ABCB10: variants seen among roughly 807,000 people sequenced by gnomAD.
ABCB10 encodes ATP-binding cassette sub-family B member 10, mitochondrial.
In ABCB10, 54 loss-of-function variants were observed where a neutral mutation model predicts 65.4. The observed-to-expected ratio is 0.83, with a 90% CI of 0.66 to 1.04. ABCB10 has a LOEUF of 1.04. Among genes scored for constraint, ABCB10 ranks in the 50% least tolerant of loss-of-function variants. The pLI is 0.00. For synonymous variants in ABCB10, 418 were observed against 406.5 expected, an observed-to-expected ratio of 1.03 and a Z score of -0.34; for missense variants, 846 against 976.6, an observed-to-expected ratio of 0.87 and a Z score of 1.78.
chr1:229,556,869 T>C (rs1208297986), intron 1 of ABCB10, among the ~76,000 whole-genome samples: 1 of 152,228 alleles, frequency 6.6e-6, no homozygotes, highest in African/African-American at 2.4e-5. Context: ...CTCTGTGCCG[T>C]GCACATGCTA....
Position 229,530,415 on chromosome 1 carries a change from C to T in ABCB10, c.1436-7G>A. 2 of 1,613,646 alleles carry T rather than the reference C, an allele frequency of 1.2e-6. No homozygotes were observed. The highest frequency in any genetic ancestry group is 1.7e-6 in the Non-Finnish European group (2 of 1,179,860). ...TCATTTAAGATGACCCCCTCTGAAA[C>T]ATAAAATGGAATATTAATTACTTAC... On this transcript the variant is annotated splice_region_variant and splice_polypyrimidine_tract_variant and intron_variant, in intron 7 of 12. Transcript: ENST00000344517.
chr1:229,521,605 C>T lies in ABCB10; in HGVS notation c.1937G>A (p.Arg646His), dbSNP rs1476790441. Residue 646 changes from arginine (R) to histidine (H), a missense_variant, in exon 11 of 13, where the codon CGT becomes CAT. Arg to His is a conservative substitution (Grantham distance 29, BLOSUM62 0). This residue lies in a region of ABCB10 where 632 missense variants were observed against 803.2 expected (regional missense o/e 0.79). Coordinates refer to ENST00000344517, the MANE Select transcript of ABCB10 (RefSeq NM_012089.3). ...GGQKQRIAIARALLKNPKILL... is the reference protein window; with the variant it reads ...GGQKQRIAIAHALLKNPKILL... ...CTTCAGGCTTACCTTTAGCAGAGCACGGGCAATCGCAATCCGCTGTTTCTG... is the reference window on the plus strand; with the variant it reads ...CTTCAGGCTTACCTTTAGCAGAGCATGGGCAATCGCAATCCGCTGTTTCTG... The T allele has an allele frequency of 3.1e-6, 5 of 1,611,716 alleles. No homozygotes were observed. The highest frequency in any genetic ancestry group is 3.3e-5 in the Admixed American group (2 of 59,908).
rs1387867120 is a variant in ABCB10, at chr1:229,521,621, G to T, written c.1921C>A (p.Arg641=). ...GVLLSGGQKQ[R]IAIARALLKN... is the part of the protein sequence containing the mutation. ...AGCAGAGCACGGGCAATCGCAATCC[G>T]CTGTTTCTGCCCACCTGACAAAGAC... is the stretch of plus-strand genomic sequence containing the variant. The change falls in exon 11 of 13, where the codon CGG becomes AGG. Residue 641 remains arginine (R), a synonymous_variant. Coordinates refer to ENST00000344517, the MANE Select transcript of ABCB10 (RefSeq NM_012089.3). The T allele has an allele frequency of 6.2e-7, 1 of 1,612,454 alleles. No homozygotes were observed. Among genetic ancestry groups the T allele is most frequent in the Non-Finnish European group, 8.5e-7 (1 of 1,179,198 alleles).
intron 11 of ABCB10, 198 bp from the exon 12 acceptor site, chr1:229,519,073 C>G: frequency 2.3e-6 from 1 of 438,414 alleles, no homozygotes; most frequent in Non-Finnish European, 4.0e-6. Flanking sequence ...ACAACAGGCA[C>G]TTCTACAGAT....
intron 11 of ABCB10, 61 bp from the exon 12 acceptor site, chr1:229,518,936 G>T: frequency 7.3e-7 from 1 of 1,375,858 alleles, no homozygotes; most frequent in Non-Finnish European, 1.0e-6. Flanking sequence ...CAAACTCTCA[G>T]CAATAAAAAA....
rs549154684 is a variant in ABCB10 at position 229,527,212 on chromosome 1, G to C, written c.1725+17C>G. ...TTTAAAAGAAAGTGAAATAGAAATG[G>C]AAGCCTCTCTTCTTACCTGACTCAC... On this transcript the variant is annotated intron_variant, in intron 9 of 12. Coordinates refer to ENST00000344517, the MANE Select transcript of ABCB10 (RefSeq NM_012089.3). 65 of 1,590,030 alleles carry C rather than the reference G, an allele frequency of 4.1e-5. 1 individual carries two copies. The South Asian group carries it at 7.0e-4, about 17-fold the overall frequency.
intron 6 of ABCB10, 121 bp downstream of exon 6, chr1:229,539,335 A>G (rs1479976631): frequency 1.5e-5 from 22 of 1,425,542 alleles, no homozygotes; most frequent in Non-Finnish European, 2.1e-5. Flanking sequence ...GAATAATAAC[A>G]TTCTAGGAAA....
rs1333955948 is a variant in ABCB10, at chr1:229,558,443, G to A, written c.210C>T (p.Ser70=). The change falls in exon 1 of 13, where the codon AGC becomes AGT. Residue 70 remains serine, a synonymous_variant. Coordinates refer to ENST00000344517, the MANE Select transcript of ABCB10 (RefSeq NM_012089.3). ...WGVGAARRWR[S]GCRGGGPGAS... ...CGCCCGGACCCCCGCCCCGGCAGCC[G>A]CTCCTCCAGCGGCGCGCGGCTCCAA... The A allele has an allele frequency of 4.1e-6, 5 of 1,215,722 alleles. No homozygotes were observed. Among genetic ancestry groups the A allele is most frequent in the Non-Finnish European group, 5.1e-6 (5 of 980,678 alleles). The allele number at this position is 1,215,722 out of a possible 1,614,324, so 75.3% of individuals were successfully genotyped here. A position where few individuals can be genotyped will look rare whatever the true frequency, so the allele number is the denominator to read the frequency against.
intron 10 of ABCB10, among the ~76,000 whole-genome samples, chr1:229,525,508 C>T (rs1435623523): frequency 6.6e-6 from 1 of 152,126 alleles, no homozygotes; most frequent in Non-Finnish European, 1.5e-5. Context: ...TTCAAAAACT[C>T]TAAAGATGAA....
intron 5 of ABCB10, among the ~76,000 whole-genome samples, chr1:229,539,856 A>G (rs1336526099): frequency 6.6e-6 from 1 of 152,232 alleles, no homozygotes; most frequent in Admixed American, 6.5e-5. Flanking sequence ...TGCAAAAGAT[A>G]AAAGTAATAT....
At chr1:229,554,486 G>T (rs116478878) in intron 1 of ABCB10, among the ~76,000 whole-genome samples, 1 of 152,132 alleles carries the variant, frequency 6.6e-6, no homozygotes. Context: ...ACAGACATAC[G>T]ATGGGAGCCA....
chr1:229,545,830 T>C (rs1264552252), intron 3 of ABCB10, among the ~76,000 whole-genome samples: 1 of 152,178 alleles, frequency 6.6e-6, no homozygotes, highest in Non-Finnish European at 1.5e-5. Context: ...AAGAACAACC[T>C]TTCTTCCTCC....
At chr1:229,530,773 G>A (rs551073722) in intron 7 of ABCB10, among the ~76,000 whole-genome samples, 8 of 152,290 alleles carry the variant, frequency 5.3e-5, no homozygotes, top group Non-Finnish European at 8.8e-5. Flanking sequence ...TTTCAAATCC[G>A]ATGGCCTTCT....
chr1:229,547,715 C>T lies in ABCB10; in HGVS notation c.719-14G>A. On this transcript the variant is annotated splice_polypyrimidine_tract_variant and intron_variant, in intron 2 of 12. Transcript: ENST00000344517. The stretch of plus-strand genomic sequence containing the variant: ...CAATGCGCTGACCTGCAAAAGCAAA[C>T]ACGAACAGGCTCACCAAGGGTAAAG... The T allele has an allele frequency of 6.2e-7, 1 of 1,613,814 alleles. No homozygotes were observed. The highest frequency in any genetic ancestry group is 2.2e-5 in the East Asian group (1 of 44,874).
chr1:229,525,620 C>T (rs2102684987), intron 10 of ABCB10, among the ~76,000 whole-genome samples: 1 of 152,154 alleles, frequency 6.6e-6, no homozygotes, highest in East Asian at 1.9e-4. Flanking sequence ...GTGGGCGGAT[C>T]ACGAGGTCAG....
At chr1:229,536,814 G>T (rs1662730664) in intron 6 of ABCB10, among the ~76,000 whole-genome samples, 1 of 151,922 alleles carries the variant, frequency 6.6e-6, no homozygotes, top group African/African-American at 2.4e-5. Context: ...AAACTAGCCA[G>T]GCATGGTGGC....
At chr1:229,532,584 TAAA>T (rs112544536) in intron 6 of ABCB10, among the ~76,000 whole-genome samples, 1 of 143,504 alleles carries the variant, frequency 7.0e-6, no homozygotes, top group Non-Finnish European at 1.5e-5. Flanking sequence ...ATGCTATGTT[TAAA>T]AAAAAAAAAA....
rs942147554 is a variant in ABCB10, at chr1:229,530,533, C to T, written c.1436-125G>A. Reference sequence around the variant, plus strand: ...ACCACAGCTAATCCTGGTATATGAGCTCTTAAAGGGCAAGTCAGAAGCAAA... The same window carrying T: ...ACCACAGCTAATCCTGGTATATGAGTTCTTAAAGGGCAAGTCAGAAGCAAA... On this transcript the variant is annotated intron_variant, in intron 7 of 12. Coordinates refer to ENST00000344517, the MANE Select transcript of ABCB10 (RefSeq NM_012089.3). 8.7e-5 allele frequency: 86 copies of T among 988,364 alleles called. No individual in the cohort carries two copies. The East Asian group carries it at 2.1e-3, about 24-fold the overall frequency. 61.2% of individuals were successfully genotyped at this position (988,364 alleles called of 1,614,324 possible).
At chr1:229,556,372 CA>C (rs58690289) in intron 1 of ABCB10, among the ~76,000 whole-genome samples, 1,247 of 88,672 alleles carry the variant, frequency 0.014, 6 homozygotes, top group East Asian at 0.057. Flanking sequence ...AACTCCATCT[CA>C]AAAAAAAAAA....
Sources: allele counts gnomAD v4.1 joint callset (sites outside exome capture counted in the v4.1 genomes callset), GRCh38; gene constraint gnomAD v4.1.1; regional missense constraint gnomAD v4.1.1; transcripts MANE v1.5; gene names NCBI Gene and HGNC (gene_info 2026-07-23, HGNC 2026-07-21).